C6: variants seen among roughly 807,000 people sequenced by gnomAD.
The protein encoded by C6 is complement component C6.
C6 carries 101 observed loss-of-function variants against 112.9 expected under a neutral mutation model. The ratio of observed to expected loss-of-function variants is 0.89; its 90% confidence interval spans 0.76 to 1.06. The LOEUF (loss-of-function observed/expected upper bound fraction) is 1.06, where lower values mean the gene tolerates loss of function less well. C6 is among the 50% of genes least tolerant of loss of function. The pLI is 0.00. For synonymous variants in C6, 431 were observed against 384.1 expected (o/e 1.12, Z -1.43); for missense variants, 1,202 against 1,104.6 (o/e 1.09, Z -1.25).
chr5:41,148,372 T>A (rs1398005551), intron 17 of C6, among the ~76,000 whole-genome samples: 1 of 152,148 alleles, frequency 6.6e-6, no homozygotes, highest in Admixed American at 6.5e-5. Context: ...TATGCTCCGA[T>A]TTTATATTTT....
At chr5:41,194,432 T>G (rs1282990621) in intron 5 of C6, among the ~76,000 whole-genome samples, 1 of 152,178 alleles carries the variant, frequency 6.6e-6, no homozygotes, top group Non-Finnish European at 1.5e-5. Context: ...CTCCTCTTAC[T>G]TTCAGACTAA....
Position 41,201,658 on chromosome 5 carries a change from T to C in C6, c.200A>G (p.Lys67Arg). 6.2e-7 allele frequency: 1 copy of C among 1,613,642 alleles called. No homozygotes were observed. The highest frequency in any genetic ancestry group is 1.1e-5 in the South Asian group (1 of 91,070). ...QENFCEQICS[K>R]QETRECNWQR... ...CCAGTTACATTCTCTAGTCTCCTGC[T>C]TGCTGCAAATCTGTTCACAAAAGTT... is the stretch of plus-strand genomic sequence containing the variant. Residue 67 changes from lysine (K) to arginine (R), a missense_variant, in exon 3 of 18, where the codon AAG becomes AGG. Lys to Arg is a conservative substitution (Grantham distance 26). Coordinates refer to ENST00000337836, the MANE Select transcript of C6 (RefSeq NM_000065.5).
At chr5:41,165,020 G>A (rs759223514) in intron 9 of C6, among the ~76,000 whole-genome samples, 1 of 152,002 alleles carries the variant, frequency 6.6e-6, no homozygotes, top group East Asian at 1.9e-4. Flanking sequence ...AAATGCAAAC[G>A]CCAATTGTAT....
chr5:41,195,720 A>T, intron 5 of C6, 72 bp downstream of exon 5: 2 of 1,434,398 alleles, frequency 1.4e-6, no homozygotes, highest in Non-Finnish European at 2.0e-6. Context: ...ACAATGATGT[A>T]TCTCATTGCT....
At chr5:41,162,725 C>T (rs1186471435) in intron 9 of C6, among the ~76,000 whole-genome samples, 2 of 152,106 alleles carry the variant, frequency 1.3e-5, no homozygotes, top group Non-Finnish European at 2.9e-5. Flanking sequence ...TTTAGCAATT[C>T]TATAGTAAGA....
chr5:41,164,722 C>A (rs1747836537), intron 9 of C6, among the ~76,000 whole-genome samples: 1 of 152,168 alleles, frequency 6.6e-6, no homozygotes, highest in Non-Finnish European at 1.5e-5. Context: ...TTCCTACAGG[C>A]TGAAAACTGG....
At chr5:41,234,864 G>A (rs1237444577) in intron 1 of C6, among the ~76,000 whole-genome samples, 1 of 152,090 alleles carries the variant, frequency 6.6e-6, no homozygotes, top group African/African-American at 2.4e-5. Context: ...AGAATACAAG[G>A]TAGATAATTT....
At chr5:41,167,671 A>G (rs964999431) in intron 9 of C6, among the ~76,000 whole-genome samples, 5 of 152,184 alleles carry the variant, frequency 3.3e-5, no homozygotes, top group African/African-American at 9.6e-5. Flanking sequence ...TTATCATAAC[A>G]TAGCTGAATA....
intron 5 of C6, among the ~76,000 whole-genome samples, chr5:41,194,707 A>C (rs1750475577): frequency 6.9e-6 from 1 of 145,572 alleles, no homozygotes; most frequent in Non-Finnish European, 1.5e-5. Flanking sequence ...AGAGTATAGG[A>C]GATTATCTTT....
intron 5 of C6, among the ~76,000 whole-genome samples, chr5:41,186,778 CTAA>C (rs1376107343): frequency 6.6e-6 from 1 of 151,898 alleles, no homozygotes; most frequent in African/African-American, 2.4e-5. Flanking sequence ...AAGTACTTTA[CTAA>C]TAATAACTTA....
chr5:41,222,464 C>T (rs959890946), intron 1 of C6, among the ~76,000 whole-genome samples: 35 of 151,926 alleles, frequency 2.3e-4, no homozygotes, highest in African/African-American at 8.4e-4. Context: ...ACAGATGTAT[C>T]TATAACATAT....
chr5:41,148,395 T>A (rs73750293), intron 17 of C6, among the ~76,000 whole-genome samples: 3 of 152,178 alleles, frequency 2.0e-5, no homozygotes, highest in African/African-American at 7.2e-5. Context: ...AAATTTGTAG[T>A]ATATACGGGG....
At chr5:41,243,530 A>T (rs1422763649) in intron 1 of C6, among the ~76,000 whole-genome samples, 3 of 152,092 alleles carry the variant, frequency 2.0e-5, no homozygotes, top group Non-Finnish European at 2.9e-5. Context: ...CATTTTTTTT[A>T]AAGTTCTTTT....
At chr5:41,143,169 CA>C (rs1745508886) in intron 17 of C6, among the ~76,000 whole-genome samples, 163 bp from the exon 18 acceptor site, 1 of 152,060 alleles carries the variant, frequency 6.6e-6, no homozygotes, top group Non-Finnish European at 1.5e-5. Flanking sequence ...AAATTAAAAA[CA>C]AAACAAAACA....
chr5:41,261,042 G>A (rs1322892177), intron 1 of C6, among the ~76,000 whole-genome samples: 3 of 152,116 alleles, frequency 2.0e-5, no homozygotes, highest in Non-Finnish European at 2.9e-5. Context: ...AAGCACCATC[G>A]CAAATGTACC....
Position 41,172,250 on chromosome 5 carries a change from G to C in C6, c.1266C>G (p.Thr422=), listed in dbSNP as rs1748482943. 6.2e-7 allele frequency: 1 copy of C among 1,613,628 alleles called. No homozygotes were observed. Among genetic ancestry groups the C allele is most frequent in the South Asian group, 1.1e-5 (1 of 91,072 alleles). ...CTTCATGTTTCTCTGACAGCTTGTT[G>C]GTGGTGCACCTATGTTCCACTTTTG... ...KKTKVEHRCT[T]NKLSEKHEGS... Residue 422 remains threonine (T), a synonymous_variant, in exon 9 of 18, where the codon ACC becomes ACG. Transcript: ENST00000337836.
intron 4 of C6, among the ~76,000 whole-genome samples, chr5:41,196,900 T>A (rs1213616034): frequency 6.6e-6 from 1 of 152,090 alleles, no homozygotes. Context: ...GAAATACTTA[T>A]GTGCAATGAC....
chr5:41,224,995 A>G (rs1739400216), intron 1 of C6, among the ~76,000 whole-genome samples: 1 of 152,024 alleles, frequency 6.6e-6, no homozygotes. Flanking sequence ...AATCATGTTG[A>G]GCATTTTGTT....
intron 1 of C6, among the ~76,000 whole-genome samples, chr5:41,247,474 A>T (rs554762167): frequency 4.6e-5 from 7 of 152,140 alleles, no homozygotes; most frequent in Non-Finnish European, 8.8e-5. Context: ...ATTTAGAAAT[A>T]TACCTAACCA....
Sources: allele counts gnomAD v4.1 joint callset (sites outside exome capture counted in the v4.1 genomes callset), GRCh38; gene constraint gnomAD v4.1.1; transcripts MANE v1.5; gene names NCBI Gene and HGNC (gene_info 2026-07-23, HGNC 2026-07-21).